RBPJ: variants seen among roughly 807,000 people sequenced by gnomAD.
RBPJ encodes the protein recombination signal binding protein for immunoglobulin kappa J region, also known as recombining binding protein suppressor of hairless.
In RBPJ, 9 loss-of-function variants were observed where a neutral mutation model predicts 67.8. The observed-to-expected ratio is 0.13, with a 90% CI of 0.08 to 0.23. RBPJ has a LOEUF of 0.23. RBPJ is among the 10% of genes least tolerant of loss of function. The pLI is 1.00. For missense variants in RBPJ, 305 were observed against 595.6 expected (o/e 0.51, Z 5.08); for synonymous variants, 198 against 203.3 (o/e 0.97, Z 0.22).
At chr4:26,284,505 G>T (rs536457158) in intron 1 of RBPJ, among the ~76,000 whole-genome samples, 3 of 152,264 alleles carry the variant, frequency 2.0e-5, no homozygotes, top group African/African-American at 7.2e-5. Flanking sequence ...GTCTCGCTCT[G>T]TCACTAAGGC....
At chr4:26,415,438 TG>T in intron 3 of RBPJ, 36 bp from the exon 4 acceptor site, 1 of 1,479,298 alleles carries the variant, frequency 6.8e-7, no homozygotes, top group South Asian at 1.2e-5. Context: ...AATTGATTTT[TG>T]CTTCTTGTTT....
At chr4:26,314,300 A>G (rs1722533796) in intron 1 of RBPJ, among the ~76,000 whole-genome samples, 1 of 151,932 alleles carries the variant, frequency 6.6e-6, no homozygotes, top group African/African-American at 2.4e-5. Flanking sequence ...TTTTTCCACC[A>G]TCAGTGATGC....
chr4:26,275,270 C>G (rs2109268911), intron 1 of RBPJ, among the ~76,000 whole-genome samples: 1 of 152,330 alleles, frequency 6.6e-6, no homozygotes, highest in East Asian at 1.9e-4. Flanking sequence ...ATTTGACATC[C>G]TCAGCAGAAT....
At chr4:26,114,664 C>T in the RBPJ span, among the ~76,000 whole-genome samples, 2 of 151,700 alleles carry the variant, frequency 1.3e-5, no homozygotes, top group Non-Finnish European at 2.9e-5. Flanking sequence ...TAACGTTTTC[C>T]ACACAAACTA....
intron 1 of RBPJ, among the ~76,000 whole-genome samples, chr4:26,347,887 A>AGAG (rs1042159683): frequency 6.6e-6 from 1 of 152,260 alleles, no homozygotes; most frequent in African/African-American, 2.4e-5. Flanking sequence ...TCTGTGACCA[A>AGAG]GAGGACATTT....
chr4:26,130,453 C>T, the RBPJ span, among the ~76,000 whole-genome samples: 1 of 152,150 alleles, frequency 6.6e-6, no homozygotes, highest in African/African-American at 2.4e-5. Flanking sequence ...GCAGGGACGT[C>T]TTGAGAAGCA....
chr4:26,315,446 T>C (rs1722580951), upstream of RBPJ, among the ~76,000 whole-genome samples: 1 of 151,756 alleles, frequency 6.6e-6, no homozygotes, highest in Admixed American at 6.6e-5. Context: ...AGGGAGTAGT[T>C]CACAAAGATC....
At chr4:26,422,291 C>T (rs1375609353) in intron 5 of RBPJ, among the ~76,000 whole-genome samples, 4 of 151,914 alleles carry the variant, frequency 2.6e-5, no homozygotes, top group Admixed American at 2.6e-4. Context: ...AGTTCCTCAG[C>T]AAACTTTAAC....
chr4:26,142,889 C>A, the RBPJ span, among the ~76,000 whole-genome samples: 2 of 152,216 alleles, frequency 1.3e-5, no homozygotes, highest in Non-Finnish European at 2.9e-5. Context: ...TCAAGGGATT[C>A]TCCTGCCTCA....
rs371752521 is a variant in RBPJ at position 26,359,490 on chromosome 4, C to A, written c.21-26863C>A. Among the ~76,000 whole-genome samples the A allele has an allele frequency of 6.7e-5, 10 of 150,304 alleles. 1 individual carries two copies. The highest frequency in any genetic ancestry group is 2.5e-4 in the African/African-American group (10 of 40,754). Reference sequence around the variant, plus strand: ...CTGTGTGTCCAGTATGTCCGACCCTCTTCCTCGGTTCTGGGCTCGGGTGGG... The same window carrying A: ...CTGTGTGTCCAGTATGTCCGACCCTATTCCTCGGTTCTGGGCTCGGGTGGG... On this transcript the variant is annotated intron_variant, in intron 1 of 10. Transcript: ENST00000355476.
At chr4:26,227,060 C>G (rs1195979755) in intron 1 of RBPJ, among the ~76,000 whole-genome samples, 1 of 152,146 alleles carries the variant, frequency 6.6e-6, no homozygotes, top group Non-Finnish European at 1.5e-5. Context: ...GTCTCTGTCT[C>G]AAGGAAGTGG....
At chr4:26,401,322 C>T (rs1467674319) in intron 2 of RBPJ, among the ~76,000 whole-genome samples, 2 of 152,200 alleles carry the variant, frequency 1.3e-5, no homozygotes, top group Non-Finnish European at 2.9e-5. Context: ...TGATTTTGTC[C>T]TCACAAGCTA....
chr4:26,175,992 G>A (rs868791660), intron 1 of RBPJ, among the ~76,000 whole-genome samples: 1 of 152,216 alleles, frequency 6.6e-6, no homozygotes, highest in Non-Finnish European at 1.5e-5. Flanking sequence ...CCTGGGCAGG[G>A]CTTTCGGGTA....
intron 2 of RBPJ, among the ~76,000 whole-genome samples, chr4:26,403,839 T>C (rs1156997730): frequency 6.6e-6 from 1 of 152,212 alleles, no homozygotes; most frequent in East Asian, 1.9e-4. Flanking sequence ...AGTGCTGCAA[T>C]GAACATTCCT....
chr4:26,362,569 G>A, intron 1 of RBPJ: 1 of 1,612,454 alleles, frequency 6.2e-7, no homozygotes, highest in Non-Finnish European at 8.5e-7. Flanking sequence ...GTGCATCGAA[G>A]TGTTCCAAGC....
At chr4:26,278,238 A>G (rs139997381) in intron 1 of RBPJ, among the ~76,000 whole-genome samples, 3 of 152,230 alleles carry the variant, frequency 2.0e-5, no homozygotes. Context: ...TCAAAAAAGT[A>G]AAGTCACGTC....
intron 1 of RBPJ, among the ~76,000 whole-genome samples, chr4:26,210,108 C>A (rs1289696561): frequency 6.6e-6 from 1 of 152,110 alleles, no homozygotes; most frequent in African/African-American, 2.4e-5. Flanking sequence ...TCTTCTACTT[C>A]AGCTTTTCAT....
intron 7 of RBPJ, among the ~76,000 whole-genome samples, chr4:26,428,188 C>T (rs771406067): frequency 3.9e-5 from 6 of 152,172 alleles, no homozygotes; most frequent in Non-Finnish European, 5.9e-5. Flanking sequence ...AGATATAAGA[C>T]GTTTGCACTG....
intron 1 of RBPJ, among the ~76,000 whole-genome samples, chr4:26,180,612 C>T (rs978965598): frequency 1.3e-5 from 2 of 152,144 alleles, no homozygotes; most frequent in Non-Finnish European, 2.9e-5. Context: ...ATACCATTCA[C>T]GAGGGTTTCA....
Sources: gnomAD v4.1 joint callset for allele counts (sites outside exome capture counted in the v4.1 genomes callset) on GRCh38, gnomAD v4.1.1 for gene constraint, MANE v1.5 for transcripts, NCBI Gene and HGNC (gene_info 2026-07-23, HGNC 2026-07-21) for gene names.